Variants in AFF3 observed in about 807,000 individuals in gnomAD.
AFF3 encodes AF4/FMR2 family member 3.
Under a neutral mutation model 129.7 loss-of-function variants are expected in AFF3, and 32 were observed. The ratio of observed to expected loss-of-function variants is 0.25; its 90% CI spans 0.19 to 0.33. The LOEUF (loss-of-function observed/expected upper bound fraction) is 0.33, where lower values mean the gene tolerates loss of function less well. Among genes scored for constraint, AFF3 ranks in the 10% least tolerant of loss-of-function variants. The pLI is 1.00. For synonymous variants in AFF3, 644 were observed against 635.4 expected, an observed-to-expected ratio of 1.01 and a Z score of -0.20; for missense variants, 1,373 against 1,592.0, an observed-to-expected ratio of 0.86 and a Z score of 2.34.
chr2:99,783,158 A>G (rs1340160325), intron 8 of AFF3, among the ~76,000 whole-genome samples: 1 of 152,214 alleles, frequency 6.6e-6, no homozygotes, highest in Non-Finnish European at 1.5e-5. Flanking sequence ...TTCATTATTT[A>G]CCCAACTTTG....
intron 8 of AFF3, among the ~76,000 whole-genome samples, chr2:99,834,891 T>C (rs1688750048): frequency 6.6e-6 from 1 of 152,210 alleles, no homozygotes; most frequent in Non-Finnish European, 1.5e-5. Context: ...TACGGTGTTA[T>C]TACCAATGGC....
rs531070841 is a variant in AFF3 at position 100,095,548 on chromosome 2, T to C, written c.53+8854A>G. 1.9e-3 allele frequency among the ~76,000 whole-genome samples: 286 copies of C among 152,314 alleles called. 3 individuals carry two copies. Among genetic ancestry groups the C allele is most frequent in the African/African-American group, 6.4e-3 (268 of 41,556 alleles). ...ACTGCAAGATTTAAATTTGCCCTAC[T>C]ATTCGTGAAAATTCACCTTTCTTTT... On this transcript the variant is annotated intron_variant, in intron 4 of 24. Transcript: ENST00000672756.
chr2:99,632,331 C>G (rs750016712), intron 13 of AFF3, among the ~76,000 whole-genome samples: 2 of 152,052 alleles, frequency 1.3e-5, no homozygotes, highest in Non-Finnish European at 2.9e-5. Flanking sequence ...CTTTTTAATT[C>G]TTATTTTAAG....
chr2:100,053,244 C>T (rs976367398), intron 4 of AFF3, among the ~76,000 whole-genome samples: 1 of 152,192 alleles, frequency 6.6e-6, no homozygotes, highest in Non-Finnish European at 1.5e-5. Flanking sequence ...TGGGTGTCAG[C>T]GTGTTAGCCA....
chr2:99,872,631 A>AAATAC (rs1691964968), intron 7 of AFF3, among the ~76,000 whole-genome samples: 1 of 151,736 alleles, frequency 6.6e-6, no homozygotes, highest in Admixed American at 6.6e-5. Context: ...AAATAAAATA[A>AAATAC]AATAAAATAA....
At chr2:99,768,295 A>C (rs1038996850) in intron 8 of AFF3, among the ~76,000 whole-genome samples, 1 of 152,200 alleles carries the variant, frequency 6.6e-6, no homozygotes, top group African/African-American at 2.4e-5. Context: ...TAACACCTGC[A>C]GATAATGTCA....
At chr2:100,056,448 T>C (rs2105189196) in intron 4 of AFF3, among the ~76,000 whole-genome samples, 1 of 152,294 alleles carries the variant, frequency 6.6e-6, no homozygotes, top group East Asian at 1.9e-4. Context: ...GGGACATGTT[T>C]GTCAAAATCA....
chr2:99,625,854 A>G (rs1340440694), intron 13 of AFF3, among the ~76,000 whole-genome samples: 2 of 152,242 alleles, frequency 1.3e-5, no homozygotes, highest in Non-Finnish European at 2.9e-5. Flanking sequence ...AATTAGTTGA[A>G]GGGGATGAAA....
At chr2:99,841,080 T>A (rs889152789) in intron 7 of AFF3, among the ~76,000 whole-genome samples, 5 of 152,228 alleles carry the variant, frequency 3.3e-5, no homozygotes, top group Non-Finnish European at 7.3e-5. Context: ...CACCCAGATA[T>A]AACAGCACAC....
rs183545407 is a variant in AFF3, at chr2:99,938,481, T to C, written c.873+68151A>G. On this transcript the variant is annotated intron_variant, in intron 7 of 24. Coordinates refer to ENST00000672756, the MANE Select transcript of AFF3 (RefSeq NM_001386135.1). ...TGATATGATGTAATGGTTAGCTTTA[T>C]ATGTCAACCTAGCTAGGTCACAGTA... Among the ~76,000 whole-genome samples the C allele has an allele frequency of 8.5e-5, 13 of 152,320 alleles. No individual in the cohort carries two copies. The East Asian group carries it at 2.3e-3, about 27-fold the overall frequency.
At chr2:99,845,408 C>T (rs1333353836) in intron 7 of AFF3, among the ~76,000 whole-genome samples, 3 of 152,170 alleles carry the variant, frequency 2.0e-5, no homozygotes, top group East Asian at 1.9e-4. Flanking sequence ...AGTGTGCTGA[C>T]GATGTCAAGA....
At chr2:100,038,083 A>T (rs955478885) in intron 4 of AFF3, among the ~76,000 whole-genome samples, 18 of 151,942 alleles carry the variant, frequency 1.2e-4, no homozygotes, top group Non-Finnish European at 2.4e-4. Flanking sequence ...TGTACCTGGG[A>T]AGTCCTCATC....
chr2:100,057,333 A>C (rs911749343), intron 4 of AFF3, among the ~76,000 whole-genome samples: 10 of 151,112 alleles, frequency 6.6e-5, no homozygotes, highest in Admixed American at 1.3e-4. Flanking sequence ...AAAAAAAAAA[A>C]AAAAAAAAAA....
In AFF3 at chr2:99,612,738, C is replaced by CT. The variant is rs1681053865; in HGVS notation, c.1185-11118dup. 2.0e-5 allele frequency among the ~76,000 whole-genome samples: 3 copies of CT among 152,302 alleles called. No homozygotes were observed. In the East Asian group the frequency reaches 5.8e-4, roughly 29 times the overall value. On this transcript the variant is annotated intron_variant, in intron 13 of 24. Transcript: ENST00000672756. Reference sequence around the variant, plus strand: ...TAGAGCCTCTTGGGGCACCTGGAATCTGAGCTGGTGCACGGCACACCTGTT... The same window carrying CT: ...TAGAGCCTCTTGGGGCACCTGGAATCTTGAGCTGGTGCACGGCACACCTGTT...
At chr2:99,658,501 C>A (rs75314962) in intron 12 of AFF3, among the ~76,000 whole-genome samples, 1 of 152,104 alleles carries the variant, frequency 6.6e-6, no homozygotes, top group Admixed American at 6.5e-5. Flanking sequence ...CCTGTTACCA[C>A]GCCTGGCTAA....
intron 10 of AFF3, among the ~76,000 whole-genome samples, chr2:99,732,226 G>T (rs557927276): frequency 6.6e-6 from 1 of 151,992 alleles, no homozygotes; most frequent in South Asian, 2.1e-4. Context: ...GTGGTGGTGG[G>T]CGCCTGTAGT....
intron 7 of AFF3, among the ~76,000 whole-genome samples, chr2:99,968,100 G>T (rs1677970126): frequency 6.6e-6 from 1 of 152,096 alleles, no homozygotes; most frequent in African/African-American, 2.4e-5. Context: ...CCTGTCCCGA[G>T]TTCCCTCATC....
intron 16 of AFF3, among the ~76,000 whole-genome samples, chr2:99,583,899 C>T (rs1342463271): frequency 6.8e-6 from 1 of 148,130 alleles, no homozygotes; most frequent in Non-Finnish European, 1.5e-5. Context: ...GACGGGGTTT[C>T]ACCATGTCAG....
chr2:100,140,217 G>A (rs904441889), intron 1 of AFF3, among the ~76,000 whole-genome samples: 1 of 152,190 alleles, frequency 6.6e-6, no homozygotes, highest in Non-Finnish European at 1.5e-5. Context: ...ATGTGGAAGT[G>A]CAGAAGATAA....
Sources: gnomAD v4.1 joint callset for allele counts (sites outside exome capture counted in the v4.1 genomes callset) on GRCh38, gnomAD v4.1.1 for gene constraint, MANE v1.5 for transcripts, NCBI Gene and HGNC (gene_info 2026-07-23, HGNC 2026-07-21) for gene names.